The following SPOP variants were observed in gnomAD, a reference collection of about 807,000 sequenced individuals.
SPOP encodes speckle type BTB/POZ protein.
A neutral mutation model predicts 45.6 loss-of-function variants in SPOP; 11 were observed. The observed-to-expected ratio is 0.24, with a 90% CI of 0.15 to 0.40. SPOP has a LOEUF of 0.40. SPOP is among the 10% of genes least tolerant of loss of function. SPOP has a pLI of 1.00. For missense variants in SPOP, 152 were observed against 465.6 expected, an observed-to-expected ratio of 0.33 and a Z score of 6.20; for synonymous variants, 166 against 166.3, an observed-to-expected ratio of 1.00 and a Z score of 0.01.
chr17:49,605,940 A>T (rs1201755715), intron 8 of SPOP, among the ~76,000 whole-genome samples: 1 of 151,722 alleles, frequency 6.6e-6, no homozygotes, highest in Non-Finnish European at 1.5e-5. Flanking sequence ...GTGAGCCGAG[A>T]TCGTGCCATT....
At chr17:49,627,039 C>T (rs1344822865) in intron 1 of SPOP, among the ~76,000 whole-genome samples, 2 of 152,062 alleles carry the variant, frequency 1.3e-5, no homozygotes, top group East Asian at 1.9e-4. Context: ...TTAGTAGAGA[C>T]AGGGTTTCAC....
At chr17:49,642,897 C>T (rs2072685422) in intron 1 of SPOP, among the ~76,000 whole-genome samples, 1 of 152,212 alleles carries the variant, frequency 6.6e-6, no homozygotes, top group Non-Finnish European at 1.5e-5. Flanking sequence ...AGTGCTTGTA[C>T]TTTTGATGGA....
chr17:49,603,654 T>A (rs769042292), intron 8 of SPOP, among the ~76,000 whole-genome samples: 28 of 152,244 alleles, frequency 1.8e-4, no homozygotes, highest in Admixed American at 3.9e-4. Flanking sequence ...TTTAGATCAT[T>A]CCATGAAAGA....
intron 8 of SPOP, 181 bp from the exon 9 acceptor site, chr17:49,602,188 G>T: frequency 1.6e-6 from 1 of 641,576 alleles, no homozygotes; most frequent in Non-Finnish European, 2.4e-6. Context: ...AGATGTTTAA[G>T]CTTGAAATGT....
chr17:49,622,573 A>T lies in SPOP; in HGVS notation c.78+160T>A, dbSNP rs966973585. 39 of 641,670 alleles carry T rather than the reference A, an allele frequency of 6.1e-5. No homozygotes were observed. The East Asian group carries it at 1.1e-3, about 18-fold the overall frequency. 39.7% of individuals were successfully genotyped at this position (641,670 alleles called of 1,614,324 possible). Reference sequence around the variant, plus strand: ...TAGGGAATTTAGATTCCACATGGAAAACTAAGGAACCTGAGGCTAACAAGT... The same window carrying T: ...TAGGGAATTTAGATTCCACATGGAATACTAAGGAACCTGAGGCTAACAAGT... On this transcript the variant is annotated intron_variant, in intron 2 of 9. Coordinates refer to ENST00000504102, the MANE Select transcript of SPOP (RefSeq NM_001007228.2).
At chr17:49,626,147 T>C (rs1442667496) in intron 1 of SPOP, among the ~76,000 whole-genome samples, 3 of 152,160 alleles carry the variant, frequency 2.0e-5, no homozygotes, top group Non-Finnish European at 4.4e-5. Context: ...ACTGATCATG[T>C]TGCCCTCCTT....
In SPOP at chr17:49,607,956, A is replaced by G. The variant is rs559955891; in HGVS notation, c.659-27T>C. The G allele has an allele frequency of 3.7e-6, 6 of 1,610,292 alleles. No homozygotes were observed. In the South Asian group the frequency reaches 6.6e-5, roughly 18 times the overall value. ...TACAAAGTCAAAGAGAAACAAGCAGATAAGGCTATCACAGTGAAATCTCTT... is the reference window on the plus strand; with the variant it reads ...TACAAAGTCAAAGAGAAACAAGCAGGTAAGGCTATCACAGTGAAATCTCTT... On this transcript the variant is annotated intron_variant, in intron 6 of 9. Transcript: ENST00000504102.
intron 1 of SPOP, among the ~76,000 whole-genome samples, chr17:49,643,011 A>G (rs1378153705): frequency 6.6e-6 from 1 of 152,252 alleles, no homozygotes; most frequent in Non-Finnish European, 1.5e-5. Flanking sequence ...AACAGATCTG[A>G]GATAAAATAC....
At chr17:49,663,733 C>T (rs1029063293) in intron 1 of SPOP, among the ~76,000 whole-genome samples, 6 of 152,152 alleles carry the variant, frequency 3.9e-5, no homozygotes, top group Admixed American at 1.3e-4. Context: ...TTACTTGGAA[C>T]AAAGAACAAA....
rs568488924 is a variant in SPOP, at chr17:49,665,389, C to T, written c.-67+12544G>A. ...CAGCACTTTGGGAGGCCAAGGCGGG[C>T]GGATCATGAGGTCAGGAGATCAAGA... On this transcript the variant is annotated intron_variant, in intron 1 of 9. Coordinates refer to ENST00000504102, the MANE Select transcript of SPOP (RefSeq NM_001007228.2). Among the ~76,000 whole-genome samples, 23 of 151,576 alleles carry T rather than the reference C, an allele frequency of 1.5e-4. 1 individual carries two copies. In the South Asian group the frequency reaches 2.9e-3, roughly 19 times the overall value.
At chr17:49,657,139 T>C (rs1326341997) in intron 1 of SPOP, among the ~76,000 whole-genome samples, 4 of 149,630 alleles carry the variant, frequency 2.7e-5, no homozygotes, top group Non-Finnish European at 2.9e-5. Context: ...GAGCCGAGAT[T>C]GCGCCGAGAT....
intron 1 of SPOP, among the ~76,000 whole-genome samples, chr17:49,624,678 T>C (rs1224350635): frequency 6.6e-6 from 1 of 152,050 alleles, no homozygotes; most frequent in South Asian, 2.1e-4. Flanking sequence ...TTTGCCATGT[T>C]GCCCAGGCTG....
intron 8 of SPOP, among the ~76,000 whole-genome samples, chr17:49,604,509 T>C (rs1048633138): frequency 1.3e-5 from 2 of 152,148 alleles, no homozygotes; most frequent in African/African-American, 2.4e-5. Context: ...TAGGAGACTA[T>C]CCCATGAGCA....
chr17:49,623,639 C>T (rs987671483), intron 1 of SPOP, among the ~76,000 whole-genome samples: 5 of 152,148 alleles, frequency 3.3e-5, no homozygotes, highest in African/African-American at 1.2e-4. Context: ...ATTCCTCAAC[C>T]CATTGCTGGC....
intron 1 of SPOP, among the ~76,000 whole-genome samples, chr17:49,657,408 T>A (rs914980857): frequency 4.6e-5 from 7 of 152,120 alleles, no homozygotes; most frequent in Non-Finnish European, 8.8e-5. Context: ...AGCAAATTTT[T>A]TCTTTCTTGA....
At chr17:49,620,962 T>C (rs959844266) in intron 3 of SPOP, among the ~76,000 whole-genome samples, 2 of 152,182 alleles carry the variant, frequency 1.3e-5, no homozygotes, top group Non-Finnish European at 2.9e-5. Flanking sequence ...AGTAGTAAAA[T>C]GCACAATATA....
intron 1 of SPOP, among the ~76,000 whole-genome samples, chr17:49,639,595 T>A (rs2072609030): frequency 6.6e-6 from 1 of 152,200 alleles, no homozygotes; most frequent in Non-Finnish European, 1.5e-5. Context: ...GTTATGAACA[T>A]ATATATTGTT....
chr17:49,662,046 T>G (rs1435890451), intron 1 of SPOP, among the ~76,000 whole-genome samples: 1 of 151,674 alleles, frequency 6.6e-6, no homozygotes, highest in South Asian at 2.1e-4. Context: ...ATTTAAATTT[T>G]TGGGGGTAGG....
chr17:49,678,126 G>C, upstream of SPOP: 2 of 395,492 alleles, frequency 5.1e-6, no homozygotes, highest in East Asian at 7.2e-5. Context: ...CGCAGCCAGC[G>C]CGTACCGCCA....
Sources: gnomAD v4.1 joint callset for allele counts (sites outside exome capture counted in the v4.1 genomes callset) on GRCh38, gnomAD v4.1.1 for gene constraint, MANE v1.5 for transcripts, NCBI Gene and HGNC (gene_info 2026-07-23, HGNC 2026-07-21) for gene names.